Variants in CSMD1 observed in about 807,000 individuals in gnomAD.
The protein encoded by CSMD1 is CUB and sushi domain-containing protein 1.
In CSMD1, 213 loss-of-function variants were observed where a neutral mutation model predicts 417.5. The ratio of observed to expected loss-of-function variants is 0.51; its 90% CI spans 0.46 to 0.57. The LOEUF (loss-of-function observed/expected upper bound fraction) is 0.57. Ranked by LOEUF, CSMD1 falls within the 20% of genes least tolerant of loss-of-function variation. CSMD1 has a pLI of 0.00. For synonymous variants in CSMD1, 2,862 were observed against 1,736.8 expected (o/e 1.65, Z -16.11); for missense variants, 6,923 against 4,529.7 (o/e 1.53, Z -15.17).
At chr8:4,821,745 G>A (rs1799537385) in intron 1 of CSMD1, among the ~76,000 whole-genome samples, 1 of 152,110 alleles carries the variant, frequency 6.6e-6, no homozygotes, top group Admixed American at 6.6e-5. Flanking sequence ...TGTGTTATAA[G>A]TGATGTTACC....
At chr8:4,429,544 C>A (rs547533166) in intron 2 of CSMD1, among the ~76,000 whole-genome samples, 3 of 152,052 alleles carry the variant, frequency 2.0e-5, no homozygotes, top group Non-Finnish European at 4.4e-5. Context: ...ATTGCAAAAG[C>A]GTGAGACTCA....
At chr8:3,134,281 G>A (rs549287115) in intron 41 of CSMD1, among the ~76,000 whole-genome samples, 4 of 152,340 alleles carry the variant, frequency 2.6e-5, no homozygotes, top group East Asian at 1.9e-4. Flanking sequence ...ATGTCCGGAG[G>A]CCGTGATGTT....
At chr8:3,233,425 G>C (rs1798964730) in intron 26 of CSMD1, among the ~76,000 whole-genome samples, 1 of 152,168 alleles carries the variant, frequency 6.6e-6, no homozygotes, top group Non-Finnish European at 1.5e-5. Context: ...GGACTTCTCA[G>C]CCAGCATATT....
At chr8:3,498,062 G>A (rs1051824199) in intron 10 of CSMD1, among the ~76,000 whole-genome samples, 1 of 152,128 alleles carries the variant, frequency 6.6e-6, no homozygotes, top group Non-Finnish European at 1.5e-5. Flanking sequence ...TAGCTTTGCT[G>A]GGTATAGTAT....
chr8:4,354,974 C>A lies in CSMD1; in HGVS notation c.415+64979G>T, dbSNP rs1451261744. On this transcript the variant is annotated intron_variant, in intron 3 of 69. Transcript: ENST00000635120. Reference sequence around the variant, plus strand: ...ATTCCACCCAAACCCATGTTTAGATCTTTTGTGGCCAGGCACGGTGGCTCA... The same window carrying A: ...ATTCCACCCAAACCCATGTTTAGATATTTTGTGGCCAGGCACGGTGGCTCA... 4.0e-5 allele frequency among the ~76,000 whole-genome samples: 6 copies of A among 150,772 alleles called. No homozygotes were observed. In the Admixed American group the frequency reaches 4.0e-4, roughly 10 times the overall value.
chr8:3,681,736 A>C (rs144696734), intron 7 of CSMD1, among the ~76,000 whole-genome samples: 23,511 of 152,176 alleles, frequency 0.15, 1,952 homozygotes, highest in African/African-American at 0.22. Flanking sequence ...TTGCCAAGTC[A>C]ATCCTAAGCC....
chr8:4,709,824 A>G (rs1808178609), intron 1 of CSMD1, among the ~76,000 whole-genome samples: 1 of 152,188 alleles, frequency 6.6e-6, no homozygotes, highest in Non-Finnish European at 1.5e-5. Flanking sequence ...CACAGTGTCC[A>G]GTCGTCCCGC....
At chr8:4,724,907 C>A (rs1481810743) in intron 1 of CSMD1, among the ~76,000 whole-genome samples, 1 of 151,970 alleles carries the variant, frequency 6.6e-6, no homozygotes, top group East Asian at 1.9e-4. Context: ...TGAAACAAAT[C>A]ATACAGGTTT....
intron 1 of CSMD1, among the ~76,000 whole-genome samples, chr8:4,792,978 T>C (rs1249946107): frequency 1.4e-5 from 1 of 71,274 alleles, no homozygotes; most frequent in Non-Finnish European, 3.3e-5. Context: ...TATATATGTG[T>C]ATGCAATATA....
intron 3 of CSMD1, among the ~76,000 whole-genome samples, chr8:4,113,649 C>T (rs1014483964): frequency 6.6e-5 from 10 of 152,084 alleles, no homozygotes; most frequent in Admixed American, 3.3e-4. Context: ...CCTGATCCAC[C>T]CGCCTCCACC....
intron 8 of CSMD1, among the ~76,000 whole-genome samples, chr8:3,587,031 C>G (rs550622735): frequency 5.5e-4 from 83 of 152,246 alleles, no homozygotes; most frequent in African/African-American, 2.0e-3. Context: ...AACTCCTGAC[C>G]TCAAGTGATT....
chr8:3,979,758 G>T (rs961729162), intron 5 of CSMD1, among the ~76,000 whole-genome samples: 10 of 152,220 alleles, frequency 6.6e-5, no homozygotes, highest in Non-Finnish European at 1.5e-4. Context: ...AGAACTGTGA[G>T]AAATAAGTGT....
intron 20 of CSMD1, 75 bp from the exon 21 acceptor site, chr8:3,359,415 A>G: frequency 9.5e-7 from 1 of 1,050,752 alleles, no homozygotes; most frequent in Non-Finnish European, 1.3e-6. Context: ...AAGAATAAAA[A>G]GTGCTATTAC....
intron 10 of CSMD1, among the ~76,000 whole-genome samples, chr8:3,510,606 G>C (rs1413108694): frequency 6.6e-6 from 1 of 151,870 alleles, no homozygotes; most frequent in East Asian, 1.9e-4. Flanking sequence ...AAAAATGCTG[G>C]TGACTCTCTT....
chr8:4,747,849 G>T (rs1475094793), intron 1 of CSMD1, among the ~76,000 whole-genome samples: 2 of 152,184 alleles, frequency 1.3e-5, no homozygotes, highest in African/African-American at 2.4e-5. Flanking sequence ...CAACTGTTCA[G>T]GTCTCTTTTC....
At chr8:3,354,357 A>G (rs1808602137) in intron 21 of CSMD1, among the ~76,000 whole-genome samples, 1 of 152,126 alleles carries the variant, frequency 6.6e-6, no homozygotes, top group African/African-American at 2.4e-5. Context: ...GGGGCTTTTG[A>G]GGGCACTGTG....
At chr8:4,078,133 A>G (rs1799930723) in intron 3 of CSMD1, among the ~76,000 whole-genome samples, 1 of 152,108 alleles carries the variant, frequency 6.6e-6, no homozygotes, top group Non-Finnish European at 1.5e-5. Context: ...GCTATAATGA[A>G]CTTTAAAATC....
chr8:4,552,796 A>C (rs77853299), intron 2 of CSMD1, among the ~76,000 whole-genome samples: 20,976 of 152,184 alleles, frequency 0.14, 1,530 homozygotes, highest in South Asian at 0.19. Context: ...TTACACACCT[A>C]ACCCCACCTC....
At chr8:4,208,189 C>T (rs1331388401) in intron 3 of CSMD1, among the ~76,000 whole-genome samples, 2 of 152,114 alleles carry the variant, frequency 1.3e-5, no homozygotes, top group African/African-American at 2.4e-5. Flanking sequence ...TGAAAATAGA[C>T]TCAGCTATGG....
Sources: gnomAD v4.1 joint callset for allele counts (sites outside exome capture counted in the v4.1 genomes callset) on GRCh38, gnomAD v4.1.1 for gene constraint, MANE v1.5 for transcripts, NCBI Gene and HGNC (gene_info 2026-07-23, HGNC 2026-07-21) for gene names.